The following INF2 variants were observed in gnomAD, a reference collection of about 807,000 sequenced individuals.
INF2 encodes inverted formin 2, also known as inverted formin-2.
INF2 carries 43 observed loss-of-function variants against 123.5 expected under a neutral mutation model. The observed-to-expected ratio is 0.35, with a 90% CI of 0.27 to 0.45. The LOEUF (loss-of-function observed/expected upper bound fraction) is 0.45. Ranked by LOEUF, INF2 falls within the 20% of genes least tolerant of loss-of-function variation. The pLI, the probability that INF2 is intolerant of heterozygous loss-of-function variation, is 1.00. For missense variants in INF2, 1,453 were observed against 1,682.7 expected, an observed-to-expected ratio of 0.86 and a Z score of 2.39; for synonymous variants, 851 against 745.0, an observed-to-expected ratio of 1.14 and a Z score of -2.32.
Position 104,699,775 on chromosome 14 carries a change from G to C in INF2, c.-9-1582G>C, listed in dbSNP as rs1193579121. Among the ~76,000 whole-genome samples, 1 of 152,176 alleles carries C rather than the reference G, an allele frequency of 6.6e-6. No individual in the cohort carries two copies. Among genetic ancestry groups the C allele is most frequent in the Non-Finnish European group, 1.5e-5 (1 of 68,024 alleles). ...GGATGCTCCTGGCAGCCTGGTGCTGGAGGTGCAGAAGAAGAAACTGAGGCC... is the reference window on the plus strand; with the variant it reads ...GGATGCTCCTGGCAGCCTGGTGCTGCAGGTGCAGAAGAAGAAACTGAGGCC... On this transcript the variant is annotated intron_variant, in intron 1 of 22. Transcript: ENST00000392634. This position sits in a 1 kb window ranked among gnomAD's most constrained non-coding sequence, Gnocchi z 4.7.
At chr14:104,710,571 C>T (rs1890004625) in intron 13 of INF2, among the ~76,000 whole-genome samples, 1 of 150,586 alleles carries the variant, frequency 6.6e-6, no homozygotes, top group Non-Finnish European at 1.5e-5. Flanking sequence ...GACACACAGA[C>T]ACACGTACAC....
chr14:104,704,051 C>G lies in INF2; in HGVS notation c.701+102C>G. ...AGCCACCTCACCTAAGCAGCACCTCCAGATGGCAGGGAGGTGGCTCCCTCG... is the reference window on the plus strand; with the variant it reads ...AGCCACCTCACCTAAGCAGCACCTCGAGATGGCAGGGAGGTGGCTCCCTCG... On this transcript the variant is annotated intron_variant, in intron 5 of 22. Coordinates refer to ENST00000392634, the MANE Select transcript of INF2 (RefSeq NM_022489.4). 1.9e-6 allele frequency: 3 copies of G among 1,581,110 alleles called. No homozygotes were observed. In the South Asian group the frequency reaches 3.4e-5, roughly 18 times the overall value.
In INF2 at chr14:104,714,520, C is replaced by A; in HGVS notation, c.3358C>A (p.Gln1120Lys). The stretch of plus-strand genomic sequence containing the variant: ...GAAGCCCCTCAAGTTCTCCAGCAAC[C>A]AGCCCCCTGCAGCCGGAAGTTCAAG... ...ALKPLKFSSN[Q>K]PPAAGSSRQD... The change falls in exon 21 of 23, where the codon CAG becomes AAG. Residue 1120 changes from glutamine (Q) to lysine (K), a missense_variant. Gln to Lys is a moderately conservative substitution (Grantham distance 53). Coordinates refer to ENST00000392634, the MANE Select transcript of INF2 (RefSeq NM_022489.4). 1 of 1,612,798 alleles carries A rather than the reference C, an allele frequency of 6.2e-7. No individual in the cohort carries two copies. Among genetic ancestry groups the A allele is most frequent in the Non-Finnish European group, 8.5e-7 (1 of 1,179,880 alleles).
chr14:104,711,502 G>A, intron 15 of INF2, 127 bp from the exon 16 acceptor site: 2 of 823,512 alleles, frequency 2.4e-6, no homozygotes, highest in Non-Finnish European at 4.2e-6. Flanking sequence ...AAGATTTGAG[G>A]GTCTGGAGTA....
rs1216523445 is a variant in INF2 at position 104,710,929 on chromosome 14, C to T, written c.2240-8C>T. On this transcript the variant is annotated splice_region_variant and splice_polypyrimidine_tract_variant and intron_variant, in intron 13 of 22. Transcript: ENST00000392634. ...AGAGCCCCTCTCCAGCCCTGGCTGC[C>T]CCTGCAGGCCTGCTCACCAGCCGCC... 8 of 1,611,842 alleles carry T rather than the reference C, an allele frequency of 5.0e-6. No individual in the cohort carries two copies. Among genetic ancestry groups the T allele is most frequent in the Non-Finnish European group, 5.9e-6 (7 of 1,179,404 alleles).
At position 104,713,573 on chromosome 14, in the gene INF2, G is replaced by A. The variant is rs377206408; in HGVS notation, c.3007G>A (p.Ala1003Thr). 1.2e-6 allele frequency: 2 copies of A among 1,612,518 alleles called. No individual in the cohort carries two copies. The change falls in exon 20 of 23, where the codon GCC (alanine) becomes ACC (threonine). Residue 1003 changes from alanine to threonine, a missense_variant. Transcript: ENST00000392634. ...RGDTDGGSKA[A>T]SMDPPRATEP... is the part of the protein sequence containing the mutation. ...GGACACCGACGGGGGCAGCAAGGCA[G>A]CCTCCATGGATCCCCCAAGAGCCAC...
At chr14:104,710,257 CG>C in intron 13 of INF2, 69 bp downstream of exon 13, 1 of 1,156,892 alleles carries the variant, frequency 8.6e-7, no homozygotes, top group Non-Finnish European at 1.2e-6. Context: ...GAGGGCTGCT[CG>C]GGGCCCCTGC....
upstream of INF2, chr14:104,689,476 G>T (rs542267087): frequency 7.1e-6 from 3 of 420,808 alleles, no homozygotes; most frequent in African/African-American, 4.3e-5. Flanking sequence ...CTCAGGGACC[G>T]GCCACAGTGG....
chr14:104,704,847 T>C (rs1159402299), intron 5 of INF2: 2 of 152,376 alleles, frequency 1.3e-5, no homozygotes, highest in African/African-American at 2.4e-5. Flanking sequence ...ATGCAGTTCA[T>C]TCAGGTTTCA....
chr14:104,683,821 C>T (rs944378360), intron 1 of INF2, among the ~76,000 whole-genome samples: 6 of 152,170 alleles, frequency 3.9e-5, no homozygotes, highest in African/African-American at 4.8e-5. Context: ...AGCCCTCTCC[C>T]CCTCTCCCCT....
At chr14:104,714,978 C>G in intron 21 of INF2, 122 bp downstream of exon 21, 1 of 1,107,034 alleles carries the variant, frequency 9.0e-7, no homozygotes, top group Non-Finnish European at 1.3e-6. Context: ...GACTTGGGTG[C>G]GGCACGGGAG....
chr14:104,718,918 C>A lies in INF2; in HGVS notation c.*125C>A. ...GGGCCCCGGAAACCAAAACTCCGTG[C>A]CTTACCCAGCCGGGGCCCTCCTGGA... On this transcript the variant is annotated 3_prime_UTR_variant, in exon 23 of 23. Coordinates refer to ENST00000392634, the MANE Select transcript of INF2 (RefSeq NM_022489.4). 1.3e-6 allele frequency: 2 copies of A among 1,508,772 alleles called. No individual in the cohort carries two copies. Among genetic ancestry groups the A allele is most frequent in the Non-Finnish European group, 1.8e-6 (2 of 1,136,198 alleles). 93.5% of individuals were successfully genotyped at this position (1,508,772 alleles called of 1,614,324 possible).
intron 1 of INF2, among the ~76,000 whole-genome samples, chr14:104,695,091 G>A (rs1380453586): frequency 1.3e-5 from 2 of 152,114 alleles, no homozygotes; most frequent in African/African-American, 4.8e-5. Flanking sequence ...TTCTGGTGAC[G>A]AGCTCCTGGC....
At chr14:104,701,111 C>T (rs908769167) in intron 1 of INF2, among the ~76,000 whole-genome samples, 4 of 152,104 alleles carry the variant, frequency 2.6e-5, no homozygotes, top group Non-Finnish European at 4.4e-5. Flanking sequence ...GCCTCGGGGT[C>T]CTCATGCGCG....
upstream of INF2, among the ~76,000 whole-genome samples, chr14:104,688,133 T>C (rs549848510): frequency 4.6e-5 from 7 of 152,348 alleles, no homozygotes; most frequent in African/African-American, 1.7e-4. Flanking sequence ...ATTCCAAGAA[T>C]TGCAGAGTGC....
At chr14:104,685,252 T>C (rs970218125), upstream of INF2, among the ~76,000 whole-genome samples, 5 of 152,092 alleles carry the variant, frequency 3.3e-5, no homozygotes, top group Non-Finnish European at 7.4e-5. Context: ...TGGTCCCAGC[T>C]CTTGCCTTCC....
At chr14:104,686,591 A>G (rs1888671518), upstream of INF2, among the ~76,000 whole-genome samples, 3 of 152,124 alleles carry the variant, frequency 2.0e-5, no homozygotes, top group Admixed American at 1.3e-4. Flanking sequence ...TAACAATGTC[A>G]GAGATCATCT....
intron 1 of INF2, among the ~76,000 whole-genome samples, chr14:104,683,390 C>A (rs923617416): frequency 2.1e-5 from 2 of 93,920 alleles, no homozygotes; most frequent in Non-Finnish European, 4.1e-5. Flanking sequence ...CTGGGTCCCC[C>A]ACCAGGGGTG....
rs372985501 is a variant in INF2, at chr14:104,699,051, G to A, written c.-9-2306G>A. Among the ~76,000 whole-genome samples, 69 of 152,298 alleles carry A rather than the reference G, an allele frequency of 4.5e-4. No homozygotes were observed. The highest frequency in any genetic ancestry group is 1.6e-3 in the African/African-American group (67 of 41,554). ...GGGGTCTTTCAGGGGCTTGCACAGG[G>A]CAAGGAGCGCTGGGCAGTGCCAAGA... On this transcript the variant is annotated intron_variant, in intron 1 of 22. Transcript: ENST00000392634. The surrounding 1 kb of genome is among the most constrained non-coding windows in gnomAD (Gnocchi z 4.7).
Sources: allele counts gnomAD v4.1 joint callset (sites outside exome capture counted in the v4.1 genomes callset), GRCh38; gene constraint gnomAD v4.1.1; non-coding constraint Gnocchi (gnomAD v3.1); transcripts MANE v1.5; gene names NCBI Gene and HGNC (gene_info 2026-07-23, HGNC 2026-07-21).